Variants in C1orf21 observed in about 807,000 individuals in gnomAD.
C1orf21 encodes chromosome 1 open reading frame 21.
A neutral mutation model predicts 18.7 loss-of-function variants in C1orf21; 3 were observed. That is an observed-to-expected ratio of 0.16 (90% CI 0.07 to 0.42). C1orf21 has a LOEUF of 0.42. Ranked by LOEUF, C1orf21 falls within the 10% of genes least tolerant of loss-of-function variation. The probability of loss-of-function intolerance (pLI) is 0.99; values close to 1 mark genes in which losing one functional copy is unlikely to be tolerated. For missense variants in C1orf21, 104 were observed against 143.6 expected (o/e 0.72, Z 1.41); for synonymous variants, 41 against 46.4 (o/e 0.88, Z 0.47).
At chr1:184,439,176 A>C (rs1656906616) in intron 1 of C1orf21, among the ~76,000 whole-genome samples, 1 of 152,004 alleles carries the variant, frequency 6.6e-6, no homozygotes, top group African/African-American at 2.4e-5. Flanking sequence ...ACACCACTGC[A>C]CTCCAGCCTA....
intron 1 of C1orf21, among the ~76,000 whole-genome samples, chr1:184,438,120 G>A (rs749519380): frequency 1.4e-4 from 22 of 152,166 alleles, no homozygotes; most frequent in Non-Finnish European, 2.8e-4. Flanking sequence ...AGGGTCCCCT[G>A]ATTTAATGGA....
In C1orf21 at chr1:184,507,464, G is replaced by A. The variant is rs1658080011; in HGVS notation, c.95-124G>A. 8.3e-6 allele frequency: 6 copies of A among 723,706 alleles called. No homozygotes were observed. In the Admixed American group the frequency reaches 1.0e-4, roughly 13 times the overall value. The allele number at this position is 723,706 out of a possible 1,614,324, so 44.8% of individuals were successfully genotyped here. A position where few individuals can be genotyped will look rare whatever the true frequency, so the allele number is the denominator to read the frequency against. On this transcript the variant is annotated intron_variant, in intron 2 of 5. Coordinates refer to ENST00000235307, the MANE Select transcript of C1orf21 (RefSeq NM_030806.4). ...AAGCTTCTTCCAGATTGTTCCAAAT[G>A]AACCACATATGAAGGCCACAGGTGA...
At chr1:184,498,098 G>A (rs566951611) in intron 2 of C1orf21, among the ~76,000 whole-genome samples, 31 of 152,134 alleles carry the variant, frequency 2.0e-4, no homozygotes, top group African/African-American at 2.4e-5. Flanking sequence ...AATCCAGACC[G>A]CCACAATTCT....
chr1:184,431,690 G>A (rs765337458), intron 1 of C1orf21, among the ~76,000 whole-genome samples: 6 of 152,116 alleles, frequency 3.9e-5, no homozygotes, highest in Admixed American at 6.6e-5. Context: ...GCAACCTACA[G>A]AATGGGAGAA....
At chr1:184,421,886 A>G (rs188329346) in intron 1 of C1orf21, among the ~76,000 whole-genome samples, 10 of 152,150 alleles carry the variant, frequency 6.6e-5, no homozygotes, top group East Asian at 1.9e-4. Context: ...ACCATTGTCT[A>G]TGGTGCTTTA....
chr1:184,523,746 AT>A (rs1377162056), intron 3 of C1orf21, among the ~76,000 whole-genome samples: 1 of 152,188 alleles, frequency 6.6e-6, no homozygotes, highest in East Asian at 1.9e-4. Context: ...AAGGTATAAA[AT>A]TTGTTTAAAT....
chr1:184,590,587 G>A (rs1403281463), intron 3 of C1orf21, 152 bp from the exon 4 acceptor site: 8 of 659,476 alleles, frequency 1.2e-5, no homozygotes, highest in Non-Finnish European at 1.1e-5. Context: ...TGTTCTGTGT[G>A]TCATCTTTGC....
chr1:184,532,158 A>G (rs1057237520), intron 3 of C1orf21, among the ~76,000 whole-genome samples: 4 of 152,104 alleles, frequency 2.6e-5, no homozygotes, highest in African/African-American at 9.7e-5. Context: ...GCATGGTGGC[A>G]GAGTTTGGAG....
At chr1:184,582,996 G>A (rs1659297485) in intron 3 of C1orf21, among the ~76,000 whole-genome samples, 1 of 152,122 alleles carries the variant, frequency 6.6e-6, no homozygotes, top group South Asian at 2.1e-4. Context: ...ACGTCACCAT[G>A]CCTGGCTAAA....
At chr1:184,600,286 C>T (rs12081808) in intron 5 of C1orf21, among the ~76,000 whole-genome samples, 73 of 152,196 alleles carry the variant, frequency 4.8e-4, no homozygotes, top group African/African-American at 1.8e-3. Context: ...CCTGCCTCAG[C>T]CTCCTGAGTA....
intron 1 of C1orf21, among the ~76,000 whole-genome samples, chr1:184,416,416 T>G (rs924627001): frequency 5.5e-4 from 83 of 152,236 alleles, no homozygotes; most frequent in African/African-American, 1.8e-3. Flanking sequence ...TTAATTTAAT[T>G]TATTATATAT....
intron 3 of C1orf21, among the ~76,000 whole-genome samples, chr1:184,564,663 G>A (rs1418787039): frequency 6.6e-6 from 1 of 152,168 alleles, no homozygotes; most frequent in Non-Finnish European, 1.5e-5. Context: ...ATAACATTCT[G>A]TAAATTGGAA....
Position 184,412,032 on chromosome 1 carries a change from T to G in C1orf21, c.-125+24664T>G, listed in dbSNP as rs181263683. 2.0e-5 allele frequency: 3 copies of G among 152,358 alleles called. No homozygotes were observed. The East Asian group carries it at 5.8e-4, about 29-fold the overall frequency. 9.4% of individuals were successfully genotyped at this position (152,358 alleles called of 1,614,324 possible). ...TTATTGCAGAAGTCCGGACAGCTTT[T>G]CAATGTGATGGATTCTGTGGCAAGG... is the stretch of plus-strand genomic sequence containing the variant. On this transcript the variant is annotated intron_variant, in intron 1 of 5. Transcript: ENST00000235307.
chr1:184,436,396 G>A (rs1476872151), intron 1 of C1orf21, among the ~76,000 whole-genome samples: 2 of 151,990 alleles, frequency 1.3e-5, no homozygotes, highest in East Asian at 3.9e-4. Flanking sequence ...GAGAGTGGAC[G>A]GTGTACCTGC....
intron 3 of C1orf21, among the ~76,000 whole-genome samples, chr1:184,548,214 AAC>A (rs58174774): frequency 0.13 from 17,639 of 139,836 alleles, 1,028 homozygotes; most frequent in Middle Eastern, 0.18. Context: ...TCAAATCCCC[AAC>A]ACACACACAC....
chr1:184,466,394 A>G (rs1256307301), intron 1 of C1orf21, among the ~76,000 whole-genome samples: 3 of 152,204 alleles, frequency 2.0e-5, no homozygotes, highest in Admixed American at 6.5e-5. Context: ...CCATCACTCA[A>G]CTGACTTTGC....
chr1:184,450,527 TC>T, intron 1 of C1orf21, among the ~76,000 whole-genome samples: 1 of 152,132 alleles, frequency 6.6e-6, no homozygotes, highest in Admixed American at 6.6e-5. Context: ...GAGGTAATAC[TC>T]CTAGTGAGAT....
intron 3 of C1orf21, 144 bp downstream of exon 3, chr1:184,507,826 G>A: frequency 4.8e-6 from 3 of 629,254 alleles, no homozygotes; most frequent in African/African-American, 1.9e-5. Flanking sequence ...CCTGGAAGCT[G>A]CACCATTACT....
intron 3 of C1orf21, among the ~76,000 whole-genome samples, chr1:184,573,810 G>A (rs1345013924): frequency 1.3e-5 from 2 of 151,902 alleles, no homozygotes. Context: ...ACCTTCACAT[G>A]TACCCCCTGA....
Sources: allele counts gnomAD v4.1 joint callset (sites outside exome capture counted in the v4.1 genomes callset), GRCh38; gene constraint gnomAD v4.1.1; transcripts MANE v1.5; gene names NCBI Gene and HGNC (gene_info 2026-07-23, HGNC 2026-07-21).